The following GAPVD1 variants were observed in gnomAD, a reference collection of about 807,000 sequenced individuals.
The protein encoded by GAPVD1 is GTPase activating protein and VPS9 domains 1.
Under a neutral mutation model 155.5 loss-of-function variants are expected in GAPVD1, and 35 were observed. The ratio of observed to expected loss-of-function variants is 0.23; its 90% CI spans 0.17 to 0.30. GAPVD1 has a LOEUF of 0.30. Among genes scored for constraint, GAPVD1 ranks in the 10% least tolerant of loss-of-function variants. The pLI is 1.00. For synonymous variants in GAPVD1, 636 were observed against 619.7 expected (o/e 1.03, Z -0.39); for missense variants, 1,429 against 1,775.7 (o/e 0.80, Z 3.51).
In GAPVD1 at chr9:125,346,464, A is replaced by G. The variant is rs576905084; in HGVS notation, c.3047-355A>G. On this transcript the variant is annotated intron_variant, in intron 19 of 27. Transcript: ENST00000297933. ...AGATGTCTGAATAAATGAAGTCTGC[A>G]TGTAAAAATGCACTGTTGGAAGTTC... 3.4e-5 allele frequency: 10 copies of G among 294,982 alleles called. No individual in the cohort carries two copies. In the East Asian group the frequency reaches 7.2e-4, roughly 21 times the overall value. The allele number at this position is 294,982 out of a possible 1,614,324, so 18.3% of individuals were successfully genotyped here.
At chr9:125,327,044 C>A (rs1394797836) in intron 12 of GAPVD1, among the ~76,000 whole-genome samples, 1 of 152,162 alleles carries the variant, frequency 6.6e-6, no homozygotes, top group Non-Finnish European at 1.5e-5. Context: ...AATGAATTCA[C>A]TTCTGGAAGA....
intron 27 of GAPVD1, among the ~76,000 whole-genome samples, chr9:125,361,341 T>C (rs2648328): frequency 0.6 from 90,810 of 151,840 alleles, 29,298 homozygotes; most frequent in African/African-American, 0.87. Context: ...AATTCAAGAC[T>C]AGCTTGGCCA....
intron 1 of GAPVD1, chr9:125,264,046 GA>G (rs1833422179): frequency 9.4e-7 from 1 of 1,064,144 alleles, no homozygotes; most frequent in Non-Finnish European, 1.5e-6. Context: ...TGGCCACCAT[GA>G]CTCCCTCCTT....
rs1712928236 is a variant in GAPVD1 at position 125,350,306 on chromosome 9, A to G, written c.3311A>G (p.Lys1104Arg). The G allele has an allele frequency of 1.3e-6, 2 of 1,584,870 alleles. No homozygotes were observed. The highest frequency in any genetic ancestry group is 1.7e-6 in the Non-Finnish European group (2 of 1,170,904). The change falls in exon 22 of 28, where the codon AAG becomes AGG. Residue 1104 changes from lysine (K) to arginine (R), a missense_variant. Physicochemically the swap from Lys to Arg is conservative, Grantham distance 26. Transcript: ENST00000297933. ...TACTCATTTTTCAGAGATGCAAAAAAGAAACTGAGGCTTGCTCTTTGCTCT... is the reference window on the plus strand; with the variant it reads ...TACTCATTTTTCAGAGATGCAAAAAGGAAACTGAGGCTTGCTCTTTGCTCT... ...DSAFSYRDAK[K>R]KLRLALCSAD...
In GAPVD1 at chr9:125,330,793, T is replaced by A. The variant is rs78153191; in HGVS notation, c.2173+575T>A. Reference sequence around the variant, plus strand: ...TTTTGAAAGCAATTTTCTGTGATTATCAGAGTCCGTGTGAATCATTGAATT... The same window carrying A: ...TTTTGAAAGCAATTTTCTGTGATTAACAGAGTCCGTGTGAATCATTGAATT... On this transcript the variant is annotated intron_variant, in intron 13 of 27. Transcript: ENST00000297933. Among the ~76,000 whole-genome samples, 261 of 152,352 alleles carry A rather than the reference T, an allele frequency of 1.7e-3. 1 individual carries two copies. The highest frequency in any genetic ancestry group is 5.9e-3 in the African/African-American group (244 of 41,588).
intron 2 of GAPVD1, among the ~76,000 whole-genome samples, chr9:125,274,583 C>T (rs1350169542): frequency 6.6e-6 from 1 of 151,584 alleles, no homozygotes; most frequent in Non-Finnish European, 1.5e-5. Context: ...CCTGCCTCAG[C>T]CTCCCGAGTA....
At chr9:125,323,754 T>A in intron 10 of GAPVD1, 44 bp from the exon 11 acceptor site, 1 of 1,606,720 alleles carries the variant, frequency 6.2e-7, no homozygotes, top group South Asian at 1.1e-5. Flanking sequence ...TGGTGGCTCA[T>A]GACTGTTTTA....
intron 15 of GAPVD1, among the ~76,000 whole-genome samples, chr9:125,333,471 G>A (rs1433466770): frequency 1.3e-5 from 2 of 149,592 alleles, no homozygotes; most frequent in East Asian, 4.0e-4. Flanking sequence ...GTTAGGTTTT[G>A]AGGTACCTTT....
At chr9:125,292,206 C>CATGATACCGCCACT (rs1257643761) in intron 2 of GAPVD1, among the ~76,000 whole-genome samples, 1 of 152,084 alleles carries the variant, frequency 6.6e-6, no homozygotes, top group East Asian at 1.9e-4. Flanking sequence ...CACTGCACTC[C>CATGATACCGCCACT]GCTTGGATGA....
intron 4 of GAPVD1, among the ~76,000 whole-genome samples, chr9:125,301,131 A>G (rs1051138820): frequency 9.3e-5 from 14 of 151,340 alleles, no homozygotes; most frequent in Non-Finnish European, 1.6e-4. Context: ...ATGCAGTGGT[A>G]TGATCTTGAG....
intron 2 of GAPVD1, among the ~76,000 whole-genome samples, chr9:125,294,656 T>G (rs1332588751): frequency 1.3e-5 from 2 of 151,594 alleles, no homozygotes; most frequent in Admixed American, 6.6e-5. Flanking sequence ...AAAATGGTTT[T>G]TTTTTTTTTT....
At chr9:125,263,296 A>G (rs1833259699) in intron 1 of GAPVD1, among the ~76,000 whole-genome samples, 1 of 152,208 alleles carries the variant, frequency 6.6e-6, no homozygotes, top group Non-Finnish European at 1.5e-5. Context: ...TAAAAATACA[A>G]AAATTAGTTG....
chr9:125,341,473 G>T, intron 18 of GAPVD1: 2 of 444,530 alleles, frequency 4.5e-6, no homozygotes, highest in South Asian at 7.0e-5. Context: ...AGTGATAGTG[G>T]TTTCATAAAT....
intron 25 of GAPVD1, among the ~76,000 whole-genome samples, chr9:125,357,153 C>T (rs1850204050): frequency 1.3e-5 from 2 of 152,206 alleles, no homozygotes; most frequent in Non-Finnish European, 2.9e-5. Context: ...TTTGTGTGAT[C>T]CTTTGATGAA....
chr9:125,357,376 C>T (rs957751925), intron 25 of GAPVD1, among the ~76,000 whole-genome samples: 9 of 149,108 alleles, frequency 6.0e-5, no homozygotes, highest in Middle Eastern at 3.9e-3. Context: ...GTCAGGAGTT[C>T]GAGACCAGCC....
rs368201910 is a variant in GAPVD1, at chr9:125,321,386, C to A, written c.1603-47C>A. On this transcript the variant is annotated intron_variant, in intron 9 of 27. Coordinates refer to ENST00000297933, the MANE Select transcript of GAPVD1 (RefSeq NM_001282680.3). ...CATTTGCTGTGGTTTGTTTCCTTAT[C>A]AGTAATCTTTCCATTGATAAACCAA... The A allele has an allele frequency of 2.4e-5, 34 of 1,429,378 alleles. No homozygotes were observed. In the African/African-American group the frequency reaches 3.8e-4, roughly 16 times the overall value. The allele number at this position is 1,429,378 out of a possible 1,614,324, so 88.5% of individuals were successfully genotyped here.
In GAPVD1 at chr9:125,362,598, T is replaced by A. The variant is rs772637016; in HGVS notation, c.4243-8T>A. ...TAATTGATTCTTTTTTATTTTTCAC[T>A]TCTCTAGGCAAATCCACCCTGTTTG... On this transcript the variant is annotated splice_polypyrimidine_tract_variant and splice_region_variant and intron_variant, in intron 27 of 27. Coordinates refer to ENST00000297933, the MANE Select transcript of GAPVD1 (RefSeq NM_001282680.3). 1 of 1,580,476 alleles carries A rather than the reference T, an allele frequency of 6.3e-7. No homozygotes were observed. The highest frequency in any genetic ancestry group is 2.3e-5 in the East Asian group (1 of 43,794).
intron 3 of GAPVD1, among the ~76,000 whole-genome samples, chr9:125,297,905 C>A (rs1379215125): frequency 1.3e-5 from 2 of 152,090 alleles, no homozygotes; most frequent in African/African-American, 2.4e-5. Flanking sequence ...ACCACCACAC[C>A]CAACTAATTT....
chr9:125,352,791 G>T (rs554849056), intron 23 of GAPVD1, among the ~76,000 whole-genome samples: 50 of 152,212 alleles, frequency 3.3e-4, no homozygotes, highest in African/African-American at 1.1e-3. Context: ...GTTTCTGAAC[G>T]TTTATGCTCT....
Sources: gnomAD v4.1 joint callset for allele counts (sites outside exome capture counted in the v4.1 genomes callset) on GRCh38, gnomAD v4.1.1 for gene constraint, MANE v1.5 for transcripts, NCBI Gene and HGNC (gene_info 2026-07-23, HGNC 2026-07-21) for gene names.